The following AKR1C8 variants were observed in gnomAD, a reference collection of about 807,000 sequenced individuals.
AKR1C8 encodes the protein aldo-keto reductase family 1 member C-like protein 1.
chr10:5,153,160 T>C, the AKR1C8 span, among the ~76,000 whole-genome samples: 8 of 152,074 alleles, frequency 5.3e-5, no homozygotes, highest in Non-Finnish European at 1.2e-4. Flanking sequence ...AATTTTTATT[T>C]TGTTTAATTT....
At chr10:5,125,834 C>A in the AKR1C8 span, among the ~76,000 whole-genome samples, 2 of 152,182 alleles carry the variant, frequency 1.3e-5, no homozygotes, top group Non-Finnish European at 2.9e-5. Flanking sequence ...CACAGGATCC[C>A]TTGCCAATAT....
the AKR1C8 span, among the ~76,000 whole-genome samples, chr10:5,143,016 G>C: frequency 6.6e-6 from 1 of 152,060 alleles, no homozygotes; most frequent in Non-Finnish European, 1.5e-5. Flanking sequence ...AATATATCAA[G>C]TGTAACCGTT....
the AKR1C8 span, among the ~76,000 whole-genome samples, chr10:5,139,547 G>A: frequency 2.6e-5 from 4 of 152,102 alleles, no homozygotes; most frequent in African/African-American, 9.7e-5. Context: ...ACAAGAAATG[G>A]GGAAAGGATT....
chr10:5,116,373 G>C, the AKR1C8 span, among the ~76,000 whole-genome samples: 1 of 152,240 alleles, frequency 6.6e-6, no homozygotes, highest in African/African-American at 2.4e-5. Context: ...AGAAGGTGAA[G>C]TCACGGGAAT....
the AKR1C8 span, chr10:5,155,138 G>A: frequency 6.6e-6 from 1 of 152,170 alleles, no homozygotes; most frequent in South Asian, 2.1e-4. Flanking sequence ...TTGGTATCCT[G>A]AAGAGGGAAT....
the AKR1C8 span, among the ~76,000 whole-genome samples, chr10:5,143,478 A>G: frequency 8.5e-5 from 13 of 152,100 alleles, no homozygotes; most frequent in African/African-American, 3.1e-4. Flanking sequence ...CACAGTTGGA[A>G]TTGGCCATGG....
the AKR1C8 span, among the ~76,000 whole-genome samples, chr10:5,164,156 C>A: frequency 6.6e-6 from 1 of 152,180 alleles, no homozygotes; most frequent in South Asian, 2.1e-4. Flanking sequence ...AGTCTCGGAC[C>A]AAGGTCCTGG....
At chr10:5,162,536 C>G in the AKR1C8 span, among the ~76,000 whole-genome samples, 3 of 152,148 alleles carry the variant, frequency 2.0e-5, no homozygotes, top group Non-Finnish European at 4.4e-5. Flanking sequence ...TGTGACCTTA[C>G]TTGCTACATC....
chr10:5,123,857 T>G, the AKR1C8 span: 1 of 1,582,904 alleles, frequency 6.3e-7, no homozygotes, highest in Non-Finnish European at 8.6e-7. Context: ...TCAGATAATA[T>G]GAAACAGTTA....
chr10:5,149,961 A>AGAAG, the AKR1C8 span, among the ~76,000 whole-genome samples: 4,801 of 152,256 alleles, frequency 0.032, 257 homozygotes, highest in African/African-American at 0.11. Flanking sequence ...AAAAGAATAA[A>AGAAG]GTCTTCTGGA....
At chr10:5,161,254 TGGA>T in the AKR1C8 span, among the ~76,000 whole-genome samples, 183 of 152,234 alleles carry the variant, frequency 1.2e-3, 1 homozygote, top group African/African-American at 4.3e-3. Context: ...CAAGCTGGTG[TGGA>T]GGACAGTGCT....
chr10:5,150,017 T>C, the AKR1C8 span, among the ~76,000 whole-genome samples: 2 of 152,136 alleles, frequency 1.3e-5, no homozygotes, highest in African/African-American at 2.4e-5. Flanking sequence ...TTAAACAAAA[T>C]GTCATAAAAT....
the AKR1C8 span, among the ~76,000 whole-genome samples, chr10:5,144,823 C>G: frequency 6.6e-6 from 1 of 152,156 alleles, no homozygotes; most frequent in Non-Finnish European, 1.5e-5. Context: ...CAAACAGGGA[C>G]AATTTGACTT....
chr10:5,123,140 T>C, the AKR1C8 span: 1 of 155,788 alleles, frequency 6.4e-6, no homozygotes, highest in African/African-American at 2.4e-5. Context: ...ACCTTTAGGA[T>C]GTACAGAAAG....
chr10:5,180,659 G>A, the AKR1C8 span, among the ~76,000 whole-genome samples: 3 of 152,254 alleles, frequency 2.0e-5, no homozygotes, highest in African/African-American at 4.8e-5. Flanking sequence ...CTTCCAGGCT[G>A]CTTTGTTTAC....
chr10:5,140,311 G>C, the AKR1C8 span, among the ~76,000 whole-genome samples: 1 of 152,156 alleles, frequency 6.6e-6, no homozygotes, highest in Non-Finnish European at 1.5e-5. Context: ...ATACCCAAAG[G>C]ATTATAAATC....
the AKR1C8 span, among the ~76,000 whole-genome samples, chr10:5,146,171 G>A: frequency 7.2e-6 from 1 of 138,006 alleles, no homozygotes; most frequent in East Asian, 2.4e-4. Context: ...ACACAGGAAG[G>A]GGAACATCAC....
chr10:5,168,280 G>C, the AKR1C8 span, among the ~76,000 whole-genome samples: 1 of 151,964 alleles, frequency 6.6e-6, no homozygotes, highest in Non-Finnish European at 1.5e-5. Context: ...GCCCACAGTA[G>C]ACAACTCCCC....
chr10:5,180,695 T>C, the AKR1C8 span, among the ~76,000 whole-genome samples: 1,086 of 152,084 alleles, frequency 7.1e-3, 2 homozygotes, highest in Non-Finnish European at 0.011. Flanking sequence ...CAATGGCGGG[T>C]GCCCCTCCCC....
Sources: allele counts gnomAD v4.1 joint callset (sites outside exome capture counted in the v4.1 genomes callset), GRCh38; gene constraint gnomAD v4.1.1; transcripts MANE v1.5; gene names NCBI Gene and HGNC (gene_info 2026-07-23, HGNC 2026-07-21).